Variants in CDCA7 observed in about 807,000 individuals in gnomAD.
CDCA7 encodes cell division cycle-associated protein 7.
Under a neutral mutation model 54.0 loss-of-function variants are expected in CDCA7, and 28 were observed. The ratio of observed to expected loss-of-function variants is 0.52; its 90% confidence interval spans 0.38 to 0.71. CDCA7 has a LOEUF of 0.71. Ranked by LOEUF, CDCA7 falls within the 30% of genes least tolerant of loss-of-function variation. The pLI is 0.00. For synonymous variants in CDCA7, 180 were observed against 208.2 expected, an observed-to-expected ratio of 0.86 and a Z score of 1.16; for missense variants, 484 against 586.0, an observed-to-expected ratio of 0.83 and a Z score of 1.80.
rs758456042 is a variant in CDCA7 at position 173,364,810 on chromosome 2, C to T, written c.715C>T (p.Arg239Ter). 4.4e-6 allele frequency: 7 copies of T among 1,607,378 alleles called. No homozygotes were observed. Among genetic ancestry groups the T allele is most frequent in the African/African-American group, 1.3e-5 (1 of 74,434 alleles). The part of the protein sequence containing the change: ...PGSDSQSRRP[R>*]RRTFPGVASR... ...CTTTGTTTAGCAATCAAGGAGACCG[C>T]GAAGGCGTACATTCCCGGGTGTTGC... Residue 239 changes from arginine to a stop codon, truncating the protein, a stop_gained, in exon 6 of 10, where the codon CGA becomes TGA. Transcript: ENST00000306721. LOFTEE classifies it high-confidence loss of function.
intron 5 of CDCA7, chr2:173,364,287 T>C (rs1686676851): frequency 5.9e-6 from 1 of 168,778 alleles, no homozygotes; most frequent in Non-Finnish European, 1.3e-5. Flanking sequence ...CAATTTCTTA[T>C]CAAGTTGTAG....
At chr2:173,359,888 G>T (rs1004020578) in intron 3 of CDCA7, among the ~76,000 whole-genome samples, 1 of 152,156 alleles carries the variant, frequency 6.6e-6, no homozygotes, top group African/African-American at 2.4e-5. Flanking sequence ...TAGATCTGTG[G>T]CTGCATCTTG....
chr2:173,356,853 G>T (rs938017184), intron 1 of CDCA7, among the ~76,000 whole-genome samples: 2 of 152,156 alleles, frequency 1.3e-5, no homozygotes, highest in African/African-American at 4.8e-5. Flanking sequence ...ACGTTGTCCT[G>T]CCTTGTTAAG....
At chr2:173,367,500 C>A in intron 9 of CDCA7, 134 bp from the exon 10 acceptor site, 1 of 1,298,680 alleles carries the variant, frequency 7.7e-7, no homozygotes, top group Non-Finnish European at 1.1e-6. Flanking sequence ...AGGTAATATA[C>A]TTGAAGATGC....
intron 3 of CDCA7, 65 bp from the exon 4 acceptor site, chr2:173,363,160 CT>C: frequency 6.8e-7 from 1 of 1,473,952 alleles, no homozygotes; most frequent in Non-Finnish European, 9.4e-7. Context: ...TGAAAAGGGA[CT>C]TTGTAGTTAT....
intron 5 of CDCA7, chr2:173,364,465 A>C (rs534563234): frequency 1.6e-5 from 3 of 189,002 alleles, no homozygotes; most frequent in East Asian, 3.2e-4. Flanking sequence ...GCAGTGTAGA[A>C]ACTGAATGTG....
chr2:173,365,080 C>CA, intron 6 of CDCA7, 91 bp downstream of exon 6: 1 of 1,433,272 alleles, frequency 7.0e-7, no homozygotes. Context: ...ACATCCTTAA[C>CA]ACCAGGCGAT....
In CDCA7 at chr2:173,364,703, A is replaced by G. The variant is rs79064953; in HGVS notation, c.700-92A>G. 134 of 1,498,564 alleles carry G rather than the reference A, an allele frequency of 8.9e-5. 1 individual carries two copies. In the East Asian group the frequency reaches 2.9e-3, roughly 32 times the overall value. The allele number at this position is 1,498,564 out of a possible 1,614,324, so 92.8% of individuals were successfully genotyped here. On this transcript the variant is annotated intron_variant, in intron 5 of 9. Coordinates refer to ENST00000306721, the MANE Select transcript of CDCA7 (RefSeq NM_031942.5). The stretch of plus-strand genomic sequence containing the variant: ...AGAAAAAATAGAGCTCTCTTTACTT[A>G]AAACATCCTTAAGGAGAAGCTATGA...
At chr2:173,359,234 A>G (rs1461803821) in intron 2 of CDCA7, 21 bp from the exon 3 acceptor site, 2 of 1,571,184 alleles carry the variant, frequency 1.3e-6, no homozygotes, top group African/African-American at 2.7e-5. Context: ...GCACAACCGC[A>G]TTTATTTATT....
In CDCA7 at chr2:173,363,825, A is replaced by T; in HGVS notation, c.629A>T (p.Lys210Ile). Residue 210 changes from lysine to isoleucine, a missense_variant, in exon 5 of 10, where the codon AAA becomes ATA. Around this residue, in one of 3 missense-constraint regions of CDCA7, gnomAD observed 398 missense variants for 447.4 expected, o/e 0.89. Coordinates refer to ENST00000306721, the MANE Select transcript of CDCA7 (RefSeq NM_031942.5). ...AATTTCCTCCCTTTTTAGCTTGCAA[A>T]ACTCATGTCTGAATTAGAAAGCTTC... ...NIKQNKAMLAKLMSELESFPG... is the reference protein window; with the variant it reads ...NIKQNKAMLAILMSELESFPG... 6.2e-7 allele frequency: 1 copy of T among 1,614,068 alleles called. No homozygotes were observed. The highest frequency in any genetic ancestry group is 2.2e-5 in the East Asian group (1 of 44,880).
chr2:173,367,105 A>T (rs780721945), intron 8 of CDCA7, 45 bp from the exon 9 acceptor site: 2 of 1,533,640 alleles, frequency 1.3e-6, no homozygotes, highest in Non-Finnish European at 1.7e-6. Flanking sequence ...TTGGTGGGGG[A>T]GGTAAGGTTT....
chr2:173,365,094 T>C (rs1177678791), intron 6 of CDCA7, 105 bp downstream of exon 6: 2 of 1,407,074 alleles, frequency 1.4e-6, no homozygotes, highest in Non-Finnish European at 1.8e-6. Context: ...AGGCGATCCA[T>C]AGTAAATGTT....
At position 173,368,014 on chromosome 2, in the gene CDCA7, C is replaced by T. The variant is rs1198369398; in HGVS notation, c.*350C>T. On this transcript the variant is annotated 3_prime_UTR_variant, in exon 10 of 10. Coordinates refer to ENST00000306721, the MANE Select transcript of CDCA7 (RefSeq NM_031942.5). The stretch of plus-strand genomic sequence containing the variant: ...GGTGTTGAAATAGCCCTCATAAAAC[C>T]TAAGCACTTGGAAACACAATAATAG... 3.3e-5 allele frequency: 10 copies of T among 300,518 alleles called. No individual in the cohort carries two copies. The East Asian group carries it at 6.6e-4, about 20-fold the overall frequency. 18.6% of individuals were successfully genotyped at this position (300,518 alleles called of 1,614,324 possible).
chr2:173,363,601 T>C (rs1477151316), intron 4 of CDCA7, 139 bp downstream of exon 4: 1 of 946,510 alleles, frequency 1.1e-6, no homozygotes, highest in East Asian at 2.5e-5. Flanking sequence ...AAGTCTTCAA[T>C]GTGTGCCTCA....
At chr2:173,363,176 A>G in intron 3 of CDCA7, 50 bp from the exon 4 acceptor site, 2 of 1,554,480 alleles carry the variant, frequency 1.3e-6, no homozygotes, top group Non-Finnish European at 1.8e-6. Context: ...AGTTATACTG[A>G]TGCAGCTTGT....
chr2:173,356,091 C>T (rs1686499177), intron 1 of CDCA7: 1 of 152,176 alleles, frequency 6.6e-6, no homozygotes, highest in Non-Finnish European at 1.5e-5. Context: ...AAGAATTAAA[C>T]CTGACGTGAA....
intron 1 of CDCA7, among the ~76,000 whole-genome samples, chr2:173,357,595 AT>A (rs1686533682): frequency 6.6e-6 from 1 of 152,212 alleles, no homozygotes; most frequent in Non-Finnish European, 1.5e-5. Context: ...AGTTTGTGAA[AT>A]TAGCATCACA....
rs77565336 is a variant in CDCA7 at position 173,355,617 on chromosome 2, A to C, written c.21+633A>C. The stretch of plus-strand genomic sequence containing the variant: ...TGCATTTAAAGGGCTTGGTGGGTCA[A>C]AGCGTTCGCCGACCATTTGCTCGTT... On this transcript the variant is annotated intron_variant, in intron 1 of 9. Transcript: ENST00000306721. 3.2e-3 allele frequency among the ~76,000 whole-genome samples: 480 copies of C among 152,020 alleles called. 2 individuals are homozygous for C. The highest frequency in any genetic ancestry group is 4.9e-3 in the Non-Finnish European group (336 of 67,972).
chr2:173,356,754 C>T (rs971890994), intron 1 of CDCA7, among the ~76,000 whole-genome samples: 2 of 152,192 alleles, frequency 1.3e-5, no homozygotes, highest in Non-Finnish European at 2.9e-5. Flanking sequence ...ATCCTCCCAC[C>T]TTGGCTTCCC....
Sources: allele counts gnomAD v4.1 joint callset (sites outside exome capture counted in the v4.1 genomes callset), GRCh38; gene constraint gnomAD v4.1.1; regional missense constraint gnomAD v4.1.1; transcripts MANE v1.5; gene names NCBI Gene and HGNC (gene_info 2026-07-23, HGNC 2026-07-21).